TEX13C: variants seen among roughly 807,000 people sequenced by gnomAD.
TEX13C encodes TEX13 family member C.
For synonymous variants in TEX13C, 219 were observed against 116.6 expected (o/e 1.88, Z -5.65); for missense variants, 480 against 298.7 (o/e 1.61, Z -4.47).
At chrX:125,323,996 G>C (rs1374595893) in exon 1 of TEX13C, 1 of 112,285 alleles carries the variant, frequency 8.9e-6, no homozygotes, top group Non-Finnish European at 1.9e-5. Flanking sequence ...TTGGGGAGTT[G>C]TAGTGTTAAA....
chrX:125,322,868 A>C (rs1602635273), exon 1 of TEX13C: 1 of 513,536 alleles, frequency 1.9e-6, no homozygotes, highest in African/African-American at 2.3e-5. Flanking sequence ...GGATAGCAAG[A>C]GCCATGGTGT....
exon 1 of TEX13C, chrX:125,321,068 A>G (rs1410746178): frequency 5.3e-5 from 27 of 513,980 alleles, no homozygotes; most frequent in Non-Finnish European, 9.4e-5. Flanking sequence ...CTGCAACCAA[A>G]AGGAAGGTTC....
exon 1 of TEX13C, chrX:125,321,718 C>G (rs1224492640): frequency 2.8e-5 from 14 of 499,737 alleles, no homozygotes; most frequent in Non-Finnish European, 4.6e-5. Flanking sequence ...CAGTGATGCC[C>G]CAGAAGATGG....
exon 1 of TEX13C, chrX:125,320,416 G>A: frequency 1.9e-6 from 1 of 516,004 alleles, no homozygotes; most frequent in Non-Finnish European, 3.5e-6. Context: ...ATGTGGAGGA[G>A]TGCCAGGCGA....
exon 1 of TEX13C, chrX:125,320,535 G>C (rs986852141): frequency 3.0e-4 from 157 of 514,960 alleles, no homozygotes; most frequent in Non-Finnish European, 4.9e-4. Flanking sequence ...CTGAATGAGC[G>C]TGATGGGTTA....
exon 1 of TEX13C, chrX:125,322,276 G>A: frequency 4.0e-6 from 2 of 495,631 alleles, no homozygotes; most frequent in Non-Finnish European, 7.1e-6. Flanking sequence ...ATCCAGTGGT[G>A]CCCCAGGGCA....
At chrX:125,324,319 C>A (rs939401177) in exon 1 of TEX13C, 1 of 111,697 alleles carries the variant, frequency 9.0e-6, no homozygotes, top group Non-Finnish European at 1.9e-5. Context: ...TTGGATAAAA[C>A]CAATTGAAGT....
chrX:125,320,925 T>G (rs746775193), exon 1 of TEX13C: 1 of 513,977 alleles, frequency 1.9e-6, no homozygotes, highest in Non-Finnish European at 3.5e-6. Context: ...CCTGCAGGGA[T>G]CTATCCACCT....
exon 1 of TEX13C, chrX:125,322,478 C>G: frequency 1.9e-6 from 1 of 513,518 alleles, no homozygotes; most frequent in Admixed American, 2.6e-5. Flanking sequence ...CACAGCTCCC[C>G]TGACGTTTAG....
chrX:125,324,352 G>A (rs907866192), exon 1 of TEX13C: 12 of 111,670 alleles, frequency 1.1e-4, no homozygotes, highest in Non-Finnish European at 1.5e-4. Context: ...CATTTCTGTG[G>A]TTCTGGGGCC....
exon 1 of TEX13C, chrX:125,322,948 A>G (rs991117130): frequency 1.9e-6 from 1 of 515,662 alleles, no homozygotes; most frequent in African/African-American, 2.3e-5. Context: ...AAAAGGCCTC[A>G]GAATCCCAGC....
In TEX13C at chrX:125,322,466, G is replaced by A. The variant is rs2018856606; in HGVS notation, c.2347G>A (p.Gly783Ser). Residue 783 changes from glycine (G) to serine (S), a missense_variant, in exon 1 of 1, where the codon GGC (glycine) becomes AGC (serine). Transcript: ENST00000632600. ...GAAGAAAGATCCAGTGGTGCCCCAG[G>A]GCACAGCTCCCCTGACGTTTAGCAG... The A allele has an allele frequency of 5.9e-6, 3 of 507,771 alleles. No individual in the cohort carries two copies. In the Admixed American group the frequency reaches 8.1e-5, roughly 14 times the overall value. 41.8% of individuals were successfully genotyped at this position (507,771 alleles called of 1,213,427 possible). A position where few individuals can be genotyped will look rare whatever the true frequency, so the allele number is the denominator to read the frequency against.
exon 1 of TEX13C, chrX:125,321,928 G>T: frequency 2.0e-6 from 1 of 511,257 alleles, no homozygotes; most frequent in Non-Finnish European, 3.5e-6. Flanking sequence ...TCCCCCTGGG[G>T]GACAGCAACA....
rs1223453417 is a variant in TEX13C, at chrX:125,321,445, GAAGA to G, written c.1331_1334del (p.Lys444IlefsTer3). On this transcript the variant is annotated frameshift_variant, in exon 1 of 1. Transcript: ENST00000632600. LOFTEE classifies it low-confidence loss of function (END_TRUNC). ...TGGGGGACAGCAACAGCCACAGTCTGAAGAAAGATCCAATGATGTGCCAGGAGAT... is the reference window on the plus strand; with the variant it reads ...TGGGGGACAGCAACAGCCACAGTCTGAAGATCCAATGATGTGCCAGGAGAT... 2.0e-6 allele frequency: 1 copy of G among 511,108 alleles called. No individual in the cohort carries two copies. Among genetic ancestry groups the G allele is most frequent in the African/African-American group, 2.3e-5 (1 of 42,732 alleles). 42.1% of individuals were successfully genotyped at this position (511,108 alleles called of 1,213,427 possible).
exon 1 of TEX13C, chrX:125,321,066 A>G (rs2018831628): frequency 1.9e-6 from 1 of 514,074 alleles, no homozygotes; most frequent in Non-Finnish European, 3.5e-6. Flanking sequence ...AGCTGCAACC[A>G]AAAGGAAGGT....
exon 1 of TEX13C, chrX:125,323,238 T>C: frequency 2.3e-6 from 1 of 426,024 alleles, no homozygotes; most frequent in Non-Finnish European, 4.1e-6. Flanking sequence ...GAAAATTAGA[T>C]AAAATAATCC....
exon 1 of TEX13C, chrX:125,322,277 C>G: frequency 2.1e-6 from 1 of 483,925 alleles, no homozygotes; most frequent in South Asian, 2.6e-5. Context: ...TCCAGTGGTG[C>G]CCCAGGGCAC....
At chrX:125,321,266 C>T in exon 1 of TEX13C, 1 of 514,547 alleles carries the variant, frequency 1.9e-6, no homozygotes, top group Non-Finnish European at 3.5e-6. Context: ...GAAGAAAGAT[C>T]CAGTTGTGCC....
chrX:125,321,184 C>T (rs1226129864), exon 1 of TEX13C: 1 of 513,302 alleles, frequency 1.9e-6, no homozygotes, highest in Non-Finnish European at 3.5e-6. Context: ...TTAGCAGGAG[C>T]CACAGCCTGG....
Sources: allele counts gnomAD v4.1 joint callset, GRCh38; gene constraint gnomAD v4.1.1; transcripts MANE v1.5; gene names NCBI Gene and HGNC (gene_info 2026-07-23, HGNC 2026-07-21).